The following RPL6 variants were observed in gnomAD, a reference collection of about 807,000 sequenced individuals.
The protein encoded by RPL6 is ribosomal protein L6.
A neutral mutation model predicts 32.1 loss-of-function variants in RPL6; 1 was observed. That is an observed-to-expected ratio of 0.03 (90% confidence interval 0.01 to 0.15). The LOEUF is 0.15. Among genes scored for constraint, RPL6 ranks in the 10% least tolerant of loss-of-function variants. RPL6 has a pLI of 1.00. For missense variants in RPL6, 275 were observed against 354.6 expected (o/e 0.78, Z 1.80); for synonymous variants, 126 against 131.6 (o/e 0.96, Z 0.29).
chr12:112,415,235 C>G (rs923455128), upstream of RPL6, among the ~76,000 whole-genome samples: 1 of 140,976 alleles, frequency 7.1e-6, no homozygotes, highest in South Asian at 2.2e-4. Flanking sequence ...GAGAATGAAG[C>G]GAGTAGTGGG....
At chr12:112,406,930 A>G in intron 3 of RPL6, 40 bp from the exon 4 acceptor site, 1 of 1,607,696 alleles carries the variant, frequency 6.2e-7, no homozygotes, top group Non-Finnish European at 8.5e-7. Context: ...TAAATAAGCC[A>G]TTCAGATTAC....
chr12:112,409,531 G>A (rs2037295192), intron 1 of RPL6, 56 bp downstream of exon 1: 1 of 398,508 alleles, frequency 2.5e-6, no homozygotes, highest in Admixed American at 4.4e-5. Flanking sequence ...AGGTTCGGAT[G>A]GCGAAGGATT....
At chr12:112,417,199 A>G (rs1350669968) in intron 1 of RPL6, among the ~76,000 whole-genome samples, 1 of 152,062 alleles carries the variant, frequency 6.6e-6, no homozygotes, top group Non-Finnish European at 1.5e-5. Flanking sequence ...CTGGGACTAC[A>G]GGTGTGCGCC....
rs1247118536 is a variant in RPL6, at chr12:112,408,237, T to A, written c.336+3A>T. The stretch of plus-strand genomic sequence containing the variant: ...AATCCAATTTACAGTCCCCACATCT[T>A]ACCATTTTGCGAAGTTTAACCACCC... On this transcript the variant is annotated splice_donor_region_variant and intron_variant, in intron 3 of 6. Transcript: ENST00000202773. 1.9e-6 allele frequency: 3 copies of A among 1,611,662 alleles called. No homozygotes were observed. The East Asian group carries it at 6.7e-5, about 36-fold the overall frequency.
At chr12:112,413,165 T>C (rs543853243), upstream of RPL6, among the ~76,000 whole-genome samples, 2 of 152,312 alleles carry the variant, frequency 1.3e-5, no homozygotes, top group South Asian at 4.1e-4. Context: ...GTATTGCTTT[T>C]GTAATTGAGA....
At chr12:112,415,862 G>A (rs1014135645) in intron 1 of RPL6, among the ~76,000 whole-genome samples, 4 of 150,636 alleles carry the variant, frequency 2.7e-5, no homozygotes, top group African/African-American at 9.7e-5. Flanking sequence ...ACCACATCCA[G>A]GGGGATAAAC....
chr12:112,408,218 A>G, intron 3 of RPL6, 22 bp downstream of exon 3: 4 of 1,580,922 alleles, frequency 2.5e-6, no homozygotes, highest in Non-Finnish European at 3.5e-6. Flanking sequence ...AGAAAATCCA[A>G]TTTACAGTCC....
rs144975352 is a variant in RPL6 at position 112,405,345 on chromosome 12, T to C, written c.746A>G (p.Asp249Gly). 3.1e-6 allele frequency: 5 copies of C among 1,609,726 alleles called. No homozygotes were observed. Among genetic ancestry groups the C allele is most frequent in the South Asian group, 2.2e-5 (2 of 89,998 alleles). The change falls in exon 7 of 7, where the codon GAT becomes GGT. Residue 249 changes from aspartate to glycine, a missense_variant. Asp to Gly is a moderately conservative substitution (Grantham distance 94, BLOSUM62 -1). Transcript: ENST00000202773. ...AATTTGTGAGTCCACAGCTTTCTGA[T>C]CAATCTTGCGCTGCTCCGTAATCTC... ...KYEITEQRKI[D>G]QKAVDSQILP...
upstream of RPL6, among the ~76,000 whole-genome samples, chr12:112,409,816 G>C (rs1324358092): frequency 1.3e-5 from 2 of 151,960 alleles, no homozygotes; most frequent in Non-Finnish European, 2.9e-5. Context: ...TTCGAGACCA[G>C]CCTGGCCAAC....
intron 1 of RPL6, among the ~76,000 whole-genome samples, chr12:112,416,260 C>T (rs1484693582): frequency 1.3e-5 from 2 of 151,562 alleles, no homozygotes; most frequent in Non-Finnish European, 2.9e-5. Context: ...CTGCCTCAGC[C>T]TCCCGAGCAG....
intron 5 of RPL6, 114 bp downstream of exon 5, chr12:112,406,180 A>T (rs1297807200): frequency 1.6e-5 from 20 of 1,213,144 alleles, no homozygotes; most frequent in Non-Finnish European, 1.2e-6. Flanking sequence ...AATGGGCCTC[A>T]GACACTTGTG....
At chr12:112,406,264 C>A in intron 5 of RPL6, 30 bp downstream of exon 5, 2 of 1,597,664 alleles carry the variant, frequency 1.3e-6, no homozygotes, top group East Asian at 4.5e-5. Flanking sequence ...GGAAGTTTCA[C>A]AGAACATCAC....
chr12:112,412,147 C>A (rs1333849989), upstream of RPL6, among the ~76,000 whole-genome samples: 3 of 152,106 alleles, frequency 2.0e-5, no homozygotes, highest in African/African-American at 2.4e-5. Context: ...TCACGCCATT[C>A]TCCTGCCTCA....
Position 112,408,305 on chromosome 12 carries a change from T to C in RPL6, c.271A>G (p.Thr91Ala), listed in dbSNP as rs17856610. ...TCACCACCAACTGGTTTTGTAACAG[T>C]TGCGAGAACCTTCTCCTTCTTTTTC... is the stretch of plus-strand genomic sequence containing the variant. The part of the protein sequence containing the change: ...EKKKKEKVLA[T>A]VTKPVGGDKN... The change falls in exon 3 of 7, where the codon ACT becomes GCT. Residue 91 changes from threonine to alanine, a missense_variant. By Grantham distance (58) the Thr-to-Ala change is moderately conservative. Coordinates refer to ENST00000202773, the MANE Select transcript of RPL6 (RefSeq NM_000970.6). 1 of 1,614,246 alleles carries C rather than the reference T, an allele frequency of 6.2e-7. No homozygotes were observed. Among genetic ancestry groups the C allele is most frequent in the Non-Finnish European group, 8.5e-7 (1 of 1,180,046 alleles).
chr12:112,408,260 C>G lies in RPL6; in HGVS notation c.316G>C (p.Val106Leu), dbSNP rs772378701. The G allele has an allele frequency of 1.2e-6, 2 of 1,614,056 alleles. No individual in the cohort carries two copies. Among genetic ancestry groups the G allele is most frequent in the African/African-American group, 2.7e-5 (2 of 74,932 alleles). The change falls in exon 3 of 7, where the codon GTG (valine) becomes CTG (leucine). Residue 106 changes from valine (V) to leucine (L), a missense_variant. By Grantham distance (32) the Val-to-Leu change is conservative (BLOSUM62 1). Coordinates refer to ENST00000202773, the MANE Select transcript of RPL6 (RefSeq NM_000970.6). ...VGGDKNGGTR[V>L]VKLRKMPRYY... ...CTTACCATTTTGCGAAGTTTAACCA[C>G]CCGGGTACCGCCGTTCTTGTCACCA... is the stretch of plus-strand genomic sequence containing the variant.
chr12:112,410,392 GAATGAGACTCT>G, upstream of RPL6: 1 of 238,994 alleles, frequency 4.2e-6, no homozygotes, highest in African/African-American at 2.3e-5. Context: ...CTGGCCTACA[GAATGAGACTCT>G]GTCTTAAAAA....
Position 112,408,326 on chromosome 12 carries a change from T to C in RPL6, c.250A>G (p.Lys84Glu). Residue 84 changes from lysine (K) to glutamate (E), a missense_variant, in exon 3 of 7, where the codon AAG (lysine) becomes GAG (glutamate). Physicochemically the swap from Lys to Glu is moderately conservative, Grantham distance 56. Coordinates refer to ENST00000202773, the MANE Select transcript of RPL6 (RefSeq NM_000970.6). ...SAAKSKVEKKKKEKVLATVTK... is the reference protein window; with the variant it reads ...SAAKSKVEKKEKEKVLATVTK... Reference sequence around the variant, plus strand: ...ACAGTTGCGAGAACCTTCTCCTTCTTTTTCTTTTCAACCTACAAGGACACA... The same window carrying C: ...ACAGTTGCGAGAACCTTCTCCTTCTCTTTCTTTTCAACCTACAAGGACACA... 1 of 1,614,186 alleles carries C rather than the reference T, an allele frequency of 6.2e-7. No individual in the cohort carries two copies. The highest frequency in any genetic ancestry group is 1.1e-5 in the South Asian group (1 of 91,082).
At chr12:112,417,941 G>A (rs2037440968) in intron 1 of RPL6, among the ~76,000 whole-genome samples, 1 of 151,972 alleles carries the variant, frequency 6.6e-6, no homozygotes, top group Non-Finnish European at 1.5e-5. Context: ...GGGATTTCAG[G>A]CGTGTGCCAC....
At chr12:112,408,925 C>A in intron 1 of RPL6, 1 of 431,202 alleles carries the variant, frequency 2.3e-6, no homozygotes, top group Non-Finnish European at 4.1e-6. Context: ...AAATACTGAG[C>A]GGTCAGAAGT....
Sources: gnomAD v4.1 joint callset for allele counts (sites outside exome capture counted in the v4.1 genomes callset) on GRCh38, gnomAD v4.1.1 for gene constraint, MANE v1.5 for transcripts, NCBI Gene and HGNC (gene_info 2026-07-23, HGNC 2026-07-21) for gene names.